Variants in REV3L observed in about 807,000 individuals in gnomAD.
REV3L encodes the protein REV3 like, DNA directed polymerase zeta catalytic subunit, also known as DNA polymerase zeta catalytic subunit.
In REV3L, 69 loss-of-function variants were observed where a neutral mutation model predicts 299.4. The observed-to-expected ratio is 0.23, with a 90% CI of 0.19 to 0.28. REV3L has a LOEUF of 0.28. Among genes scored for constraint, REV3L ranks in the 10% least tolerant of loss-of-function variants. The pLI is 1.00. For missense variants in REV3L, 3,128 were observed against 3,693.8 expected, an observed-to-expected ratio of 0.85 and a Z score of 3.97; for synonymous variants, 1,238 against 1,271.4, an observed-to-expected ratio of 0.97 and a Z score of 0.56.
intron 20 of REV3L, among the ~76,000 whole-genome samples, chr6:111,345,160 CAGTTCTACTAAAT>C (rs1245933521): frequency 6.6e-6 from 1 of 152,114 alleles, no homozygotes; most frequent in South Asian, 2.1e-4. Context: ...AATAGCAGAA[CAGTTCTACTAAAT>C]AGTTCTACTA....
intron 1 of REV3L, among the ~76,000 whole-genome samples, chr6:111,468,335 A>G (rs1434352064): frequency 6.6e-6 from 1 of 152,234 alleles, no homozygotes; most frequent in Non-Finnish European, 1.5e-5. Flanking sequence ...AATAAAAAGT[A>G]ATCTACCATA....
At chr6:111,433,039 A>G (rs1403787233) in intron 1 of REV3L, among the ~76,000 whole-genome samples, 2 of 152,198 alleles carry the variant, frequency 1.3e-5, no homozygotes, top group African/African-American at 4.8e-5. Context: ...TATGGGATAC[A>G]GCAAAAGTGG....
intron 1 of REV3L, chr6:111,430,263 G>C: frequency 1.1e-6 from 1 of 945,582 alleles, no homozygotes; most frequent in Admixed American, 1.7e-5. Context: ...CAACTGGCGA[G>C]ACAATTGCAG....
chr6:111,399,255 T>G (rs1200391727), intron 4 of REV3L, among the ~76,000 whole-genome samples: 2 of 152,160 alleles, frequency 1.3e-5, no homozygotes, highest in African/African-American at 4.8e-5. Context: ...GATAACTAAC[T>G]TATTATTTTC....
intron 31 of REV3L, among the ~76,000 whole-genome samples, chr6:111,306,782 G>A (rs976991637): frequency 3.3e-5 from 5 of 152,104 alleles, no homozygotes; most frequent in African/African-American, 9.7e-5. Flanking sequence ...AGACAACTAG[G>A]TATTTTTCTT....
intron 31 of REV3L, among the ~76,000 whole-genome samples, chr6:111,307,096 A>G (rs1379083621): frequency 6.6e-6 from 1 of 152,186 alleles, no homozygotes; most frequent in Non-Finnish European, 1.5e-5. Flanking sequence ...CTGTATTATA[A>G]AAGAAATTGG....
At chr6:111,351,611 C>T (rs1445308994) in intron 19 of REV3L, 65 bp downstream of exon 19, 8 of 1,276,458 alleles carry the variant, frequency 6.3e-6, no homozygotes, top group Non-Finnish European at 8.9e-6. Context: ...CTTTAACATT[C>T]TGTCTTTATT....
At chr6:111,418,157 T>C (rs1350537636) in intron 1 of REV3L, among the ~76,000 whole-genome samples, 10 of 152,062 alleles carry the variant, frequency 6.6e-5, no homozygotes, top group African/African-American at 2.4e-5. Flanking sequence ...AAACTACAGG[T>C]TGAGGGAGGT....
intron 3 of REV3L, among the ~76,000 whole-genome samples, chr6:111,408,570 C>T (rs1281524208): frequency 6.6e-6 from 1 of 151,862 alleles, no homozygotes; most frequent in Non-Finnish European, 1.5e-5. Context: ...TGCCACTGCA[C>T]CCCAGCCTGG....
chr6:111,326,844 C>G (rs1051685456), intron 25 of REV3L, among the ~76,000 whole-genome samples: 11 of 151,552 alleles, frequency 7.3e-5, no homozygotes, highest in Admixed American at 1.3e-4. Context: ...TCCATTTTTA[C>G]TCTATTGGTG....
intron 24 of REV3L, chr6:111,330,233 C>T (rs1342027098): frequency 2.3e-6 from 1 of 443,494 alleles, no homozygotes; most frequent in South Asian, 1.6e-5. Context: ...TTCAAACCTG[C>T]AGTTCCAGGG....
At chr6:111,439,881 C>T (rs1562314789) in intron 1 of REV3L, among the ~76,000 whole-genome samples, 1 of 152,164 alleles carries the variant, frequency 6.6e-6, no homozygotes. Flanking sequence ...TGACCGCCAA[C>T]CAGCGCTTCA....
At chr6:111,356,859 G>C (rs1171211237) in intron 18 of REV3L, 155 bp downstream of exon 18, 2 of 363,670 alleles carry the variant, frequency 5.5e-6, no homozygotes, top group Non-Finnish European at 1.0e-5. Context: ...GGTGGGAAGT[G>C]AGTATAAAAT....
intron 11 of REV3L, among the ~76,000 whole-genome samples, chr6:111,378,839 C>T (rs1245417139): frequency 6.6e-6 from 1 of 152,158 alleles, no homozygotes; most frequent in Non-Finnish European, 1.5e-5. Flanking sequence ...ATCAAACATT[C>T]TCCATTCAAA....
At chr6:111,461,305 CAA>C (rs1429262012) in intron 1 of REV3L, among the ~76,000 whole-genome samples, 2 of 151,388 alleles carry the variant, frequency 1.3e-5, no homozygotes, top group South Asian at 2.1e-4. Flanking sequence ...TAGTTTTTAA[CAA>C]AAGTTTTAAA....
intron 1 of REV3L, among the ~76,000 whole-genome samples, chr6:111,462,193 T>C (rs1790854426): frequency 6.6e-6 from 1 of 152,194 alleles, no homozygotes; most frequent in Non-Finnish European, 1.5e-5. Flanking sequence ...TCTCCCCAGT[T>C]ACTCTTTATT....
intron 18 of REV3L, among the ~76,000 whole-genome samples, chr6:111,352,041 C>G (rs927488776): frequency 1.3e-5 from 2 of 151,312 alleles, no homozygotes; most frequent in Admixed American, 6.6e-5. Context: ...GGGTCTCACT[C>G]TGTTGTCCAG....
chr6:111,448,165 T>C (rs1297628070), intron 1 of REV3L, among the ~76,000 whole-genome samples: 2 of 152,084 alleles, frequency 1.3e-5, no homozygotes, highest in African/African-American at 4.8e-5. Context: ...CCACAGTTAA[T>C]ACCTTAACAG....
At chr6:111,331,108 A>C (rs1329286056) in intron 24 of REV3L, 1 of 674,366 alleles carries the variant, frequency 1.5e-6, no homozygotes, top group Non-Finnish European at 1.8e-6. Context: ...AGGCAATATA[A>C]TCTTCTTTTA....
Sources: allele counts gnomAD v4.1 joint callset (sites outside exome capture counted in the v4.1 genomes callset), GRCh38; gene constraint gnomAD v4.1.1; transcripts MANE v1.5; gene names NCBI Gene and HGNC (gene_info 2026-07-23, HGNC 2026-07-21).